HAUS8: variants seen among roughly 807,000 people sequenced by gnomAD.
HAUS8 encodes the protein HAUS augmin like complex subunit 8, also known as HAUS augmin-like complex subunit 8.
HAUS8 carries 38 observed loss-of-function variants against 42.9 expected under a neutral mutation model. The ratio of observed to expected loss-of-function variants is 0.89; its 90% CI spans 0.68 to 1.16. HAUS8 has a LOEUF of 1.16. Among genes scored for constraint, HAUS8 ranks in the 50% most tolerant of loss-of-function variants. The pLI, the probability that HAUS8 is intolerant of heterozygous loss-of-function variation, is 0.00. For synonymous variants in HAUS8, 199 were observed against 205.8 expected, an observed-to-expected ratio of 0.97 and a Z score of 0.28; for missense variants, 494 against 511.6, an observed-to-expected ratio of 0.97 and a Z score of 0.33.
Position 17,050,003 on chromosome 19 carries a change from T to C in HAUS8, c.1103A>G (p.Glu368Gly). The change falls in exon 11 of 11, where the codon GAG becomes GGG. Residue 368 changes from glutamate to glycine, a missense_variant. By Grantham distance (98) the Glu-to-Gly change is moderately conservative. Transcript: ENST00000253669. ...GGAPKNTPLS[E>G]DDNPGASSAP... ...TGACGAGGCACCCGGGTTGTCGTCC[T>C]CAGACAGGGGCGTGTTCTTGGGTGC... The C allele has an allele frequency of 1.9e-6, 3 of 1,606,822 alleles. No homozygotes were observed. Among genetic ancestry groups the C allele is most frequent in the Non-Finnish European group, 2.5e-6 (3 of 1,177,076 alleles).
At chr19:17,068,096 ATT>A (rs1284123312) in intron 3 of HAUS8, among the ~76,000 whole-genome samples, 3 of 104,874 alleles carry the variant, frequency 2.9e-5, no homozygotes, top group African/African-American at 1.1e-4. Context: ...TTTTTATTTT[ATT>A]CTTTTTTTTT....
At chr19:17,067,331 A>C (rs1196817068) in intron 3 of HAUS8, among the ~76,000 whole-genome samples, 2 of 152,126 alleles carry the variant, frequency 1.3e-5, no homozygotes, top group Non-Finnish European at 2.9e-5. Context: ...CACAGATATG[A>C]CCTTCTAAAA....
At chr19:17,067,254 C>T (rs998452102) in intron 3 of HAUS8, among the ~76,000 whole-genome samples, 1 of 150,512 alleles carries the variant, frequency 6.6e-6, no homozygotes, top group Non-Finnish European at 1.5e-5. Context: ...ACATGCAACA[C>T]AGAGGAACTT....
At position 17,059,595 on chromosome 19, in the gene HAUS8, C is replaced by T; in HGVS notation, c.382G>A (p.Glu128Lys). The change falls in exon 6 of 11, where the codon GAG becomes AAG. Residue 128 changes from glutamate to lysine, a missense_variant. Glu to Lys is a moderately conservative substitution (Grantham distance 56). Transcript: ENST00000253669. ...CGAGGGGCAGAAAATGATGTTGACT[C>T]AGGTTTCTTTGATATTGTTTTTGCT... ...QLAKTISKKP[E>K]STSFSAPRKK... 6.2e-7 allele frequency: 1 copy of T among 1,613,908 alleles called. No individual in the cohort carries two copies. The highest frequency in any genetic ancestry group is 8.5e-7 in the Non-Finnish European group (1 of 1,179,908).
chr19:17,056,536 TACAC>T (rs971310440), intron 8 of HAUS8, among the ~76,000 whole-genome samples: 4 of 152,104 alleles, frequency 2.6e-5, no homozygotes, highest in African/African-American at 9.6e-5. Context: ...AGCATCTATA[TACAC>T]ACACACATAC....
At chr19:17,068,909 A>G (rs2057404045) in intron 3 of HAUS8, 122 bp downstream of exon 3, 1 of 824,862 alleles carries the variant, frequency 1.2e-6, no homozygotes. Flanking sequence ...CACCTGAGTG[A>G]AGATCCCAAA....
chr19:17,069,037 G>C lies in HAUS8; in HGVS notation c.141C>G (p.Thr47=), dbSNP rs1443557400. ...AAGCTGGGTGCGGCCTTACCTTTTG[G>C]GTTGTCTTCTTTTCATACTGCAGAT... ...SRYLQYEKKT[T]QKAPAGDGSQ... Residue 47 remains threonine, a synonymous_variant, in exon 3 of 11, where the codon ACC becomes ACG. Transcript: ENST00000253669. 1.2e-6 allele frequency: 2 copies of C among 1,612,996 alleles called. No individual in the cohort carries two copies. Among genetic ancestry groups the C allele is most frequent in the Non-Finnish European group, 1.7e-6 (2 of 1,179,432 alleles).
chr19:17,063,042 T>C (rs1367026408), intron 3 of HAUS8, among the ~76,000 whole-genome samples: 2 of 152,240 alleles, frequency 1.3e-5, no homozygotes, highest in Non-Finnish European at 2.9e-5. Context: ...ACTGATTTTT[T>C]TCTAGACACA....
intron 3 of HAUS8, among the ~76,000 whole-genome samples, chr19:17,068,131 C>T (rs2057398955): frequency 8.2e-6 from 1 of 122,130 alleles, no homozygotes; most frequent in South Asian, 2.5e-4. Context: ...TTTGAAGACA[C>T]GGGTCAGGGT....
At chr19:17,054,491 C>CA (rs11354479) in intron 9 of HAUS8, among the ~76,000 whole-genome samples, 7,231 of 150,696 alleles carry the variant, frequency 0.048, 608 homozygotes, top group African/African-American at 0.17. Context: ...CTCGTCTCTA[C>CA]AAAAAAAAAT....
chr19:17,052,130 A>AAAAT (rs148248325), intron 10 of HAUS8: 29,673 of 150,766 alleles, frequency 0.2, 3,101 homozygotes, highest in African/African-American at 0.26. Flanking sequence ...ACTCTGTCTC[A>AAAAT]AAATAAATAA....
chr19:17,073,185 C>T lies in HAUS8; in HGVS notation c.91+89G>A, dbSNP rs1055867151. The T allele has an allele frequency of 4.3e-6, 5 of 1,151,836 alleles. No individual in the cohort carries two copies. The African/African-American group carries it at 7.6e-5, about 18-fold the overall frequency. The allele number at this position is 1,151,836 out of a possible 1,614,324, so 71.4% of individuals were successfully genotyped here. The stretch of plus-strand genomic sequence containing the variant: ...CTACAAGGAAGTAAAGCCACAGGCC[C>T]CCTTCTCTGGCCTGTTTTTTTCTTC... On this transcript the variant is annotated intron_variant, in intron 2 of 10. Transcript: ENST00000253669.
rs1213619976 is a variant in HAUS8, at chr19:17,049,872, G to A, written c.*1C>T. On this transcript the variant is annotated 3_prime_UTR_variant, in exon 11 of 11. Transcript: ENST00000253669. The stretch of plus-strand genomic sequence containing the variant: ...TCAAGTATCCTGAATGTAACCATGA[G>A]TCATGACAAGTCCCTCCCTGAACGA... 2 of 1,480,302 alleles carry A rather than the reference G, an allele frequency of 1.4e-6. No homozygotes were observed. Among genetic ancestry groups the A allele is most frequent in the East Asian group, 2.4e-5 (1 of 40,930 alleles). 91.7% of individuals were successfully genotyped at this position (1,480,302 alleles called of 1,614,324 possible). A position where few individuals can be genotyped will look rare whatever the true frequency, so the allele number is the denominator to read the frequency against.
intron 4 of HAUS8, 130 bp from the exon 5 acceptor site, chr19:17,060,222 GGCT>G: frequency 3.5e-6 from 1 of 289,166 alleles, no homozygotes; most frequent in African/African-American, 4.1e-5. Context: ...AAGGTGGAAA[GGCT>G]AAAAAAAAAA....
rs1568636844 is a variant in HAUS8 at position 17,058,887 on chromosome 19, G to A, written c.421-11C>T. 1 of 1,604,998 alleles carries A rather than the reference G, an allele frequency of 6.2e-7. No individual in the cohort carries two copies. Among genetic ancestry groups the A allele is most frequent in the East Asian group, 2.2e-5 (1 of 44,868 alleles). On this transcript the variant is annotated splice_polypyrimidine_tract_variant and intron_variant, in intron 6 of 10. Transcript: ENST00000253669. ...TGCTTCAGATAAATCCTTAAGAAAA[G>A]AAAAAGACCCTCTCAATTCCTGATG...
At chr19:17,065,055 C>A (rs1480135383) in intron 3 of HAUS8, among the ~76,000 whole-genome samples, 2 of 152,118 alleles carry the variant, frequency 1.3e-5, no homozygotes, top group Admixed American at 1.3e-4. Context: ...GACACATCCG[C>A]AAAGATACAG....
chr19:17,055,250 G>GGATCACTT (rs1311242978), intron 9 of HAUS8, among the ~76,000 whole-genome samples: 2 of 116,978 alleles, frequency 1.7e-5, no homozygotes, highest in Admixed American at 2.0e-4. Context: ...TGAGGTGGGA[G>GGATCACTT]GATCACTTAA....
intron 2 of HAUS8, among the ~76,000 whole-genome samples, chr19:17,070,393 G>T (rs1489635601): frequency 6.6e-6 from 1 of 152,168 alleles, no homozygotes; most frequent in Non-Finnish European, 1.5e-5. Context: ...TGGCGTGCTG[G>T]GTCCATGGGC....
chr19:17,061,041 A>T (rs1418330504), intron 4 of HAUS8, among the ~76,000 whole-genome samples: 3 of 152,124 alleles, frequency 2.0e-5, no homozygotes, highest in Admixed American at 6.5e-5. Context: ...TGAAATTCTT[A>T]AAAAAAATCT....
Sources: allele counts gnomAD v4.1 joint callset (sites outside exome capture counted in the v4.1 genomes callset), GRCh38; gene constraint gnomAD v4.1.1; transcripts MANE v1.5; gene names NCBI Gene and HGNC (gene_info 2026-07-23, HGNC 2026-07-21).